The following LMBR1 variants were observed in gnomAD, a reference collection of about 807,000 sequenced individuals.
LMBR1 encodes the protein limb region 1 protein homolog.
In LMBR1, 52 loss-of-function variants were observed where a neutral mutation model predicts 73.9. The observed-to-expected ratio is 0.70, with a 90% CI of 0.56 to 0.89. The LOEUF is 0.89. LMBR1 is among the 40% of genes least tolerant of loss of function. The pLI, the probability that LMBR1 is intolerant of heterozygous loss-of-function variation, is 0.00. For synonymous variants in LMBR1, 215 were observed against 209.4 expected (o/e 1.03, Z -0.23); for missense variants, 539 against 579.8 (o/e 0.93, Z 0.72).
rs199791884 is a variant in LMBR1 at position 156,725,522 on chromosome 7, A to G, written c.1071T>C (p.Tyr357=). The change falls in exon 14 of 17, where the codon TAT becomes TAC. Residue 357 remains tyrosine (Y), a synonymous_variant. Coordinates refer to ENST00000353442, the MANE Select transcript of LMBR1 (RefSeq NM_022458.4). ...GAALEIILIF[Y]LMVSSVVGFY... ...AGCCGACAACAGAGGACACCATAAG[A>G]TAGCTGTGAGAATCAAGGAAAAAAA... 107 of 1,585,274 alleles carry G rather than the reference A, an allele frequency of 6.7e-5. No individual in the cohort carries two copies. Among genetic ancestry groups the G allele is most frequent in the Non-Finnish European group, 8.6e-5 (100 of 1,165,154 alleles).
intron 4 of LMBR1, among the ~76,000 whole-genome samples, chr7:156,807,987 G>A (rs111280280): frequency 1.7e-4 from 26 of 152,056 alleles, no homozygotes; most frequent in African/African-American, 6.3e-4. Context: ...AGTGTATCTT[G>A]TATGACTTAA....
intron 4 of LMBR1, among the ~76,000 whole-genome samples, chr7:156,817,726 A>G (rs1308610704): frequency 1.3e-5 from 2 of 152,208 alleles, no homozygotes; most frequent in Non-Finnish European, 2.9e-5. Flanking sequence ...AAAAAAATGC[A>G]TATCATAAAA....
intron 1 of LMBR1, among the ~76,000 whole-genome samples, chr7:156,873,285 G>A (rs1469190315): frequency 2.6e-5 from 4 of 151,934 alleles, no homozygotes; most frequent in South Asian, 2.1e-4. Flanking sequence ...AAGGCAGCGC[G>A]TCTGGAGTTG....
chr7:156,876,600 A>G (rs1476679343), intron 1 of LMBR1, among the ~76,000 whole-genome samples: 9 of 152,222 alleles, frequency 5.9e-5, no homozygotes, highest in Admixed American at 5.9e-4. Context: ...ATTTAAGAAA[A>G]TTGAAATTAT....
At chr7:156,745,796 C>T (rs996122776) in intron 9 of LMBR1, among the ~76,000 whole-genome samples, 6 of 152,216 alleles carry the variant, frequency 3.9e-5, no homozygotes, top group Non-Finnish European at 7.3e-5. Flanking sequence ...ACTGAAGAGA[C>T]AGCAATCGAA....
At chr7:156,843,074 T>G (rs987803984) in intron 1 of LMBR1, among the ~76,000 whole-genome samples, 12 of 152,178 alleles carry the variant, frequency 7.9e-5, no homozygotes, top group African/African-American at 2.4e-4. Flanking sequence ...TTTGCTGAGC[T>G]CTATGCAGCA....
chr7:156,752,627 C>T (rs1821117471), intron 9 of LMBR1, among the ~76,000 whole-genome samples: 1 of 152,164 alleles, frequency 6.6e-6, no homozygotes, highest in Admixed American at 6.5e-5. Context: ...TGAAAATTCT[C>T]TTATGATTGC....
chr7:156,886,960 T>A (rs948325335), intron 1 of LMBR1, among the ~76,000 whole-genome samples: 1 of 152,184 alleles, frequency 6.6e-6, no homozygotes, highest in Non-Finnish European at 1.5e-5. Context: ...AATTCAGTTT[T>A]TAAGGTTTCC....
chr7:156,750,654 T>A lies in LMBR1; in HGVS notation c.757+5739A>T, dbSNP rs571220524. 2.0e-5 allele frequency among the ~76,000 whole-genome samples: 3 copies of A among 152,320 alleles called. No homozygotes were observed. In the East Asian group the frequency reaches 5.8e-4, roughly 29 times the overall value. On this transcript the variant is annotated intron_variant, in intron 9 of 16. Transcript: ENST00000353442. ...TCTATGGTAAAATGACAACTCTCCA[T>A]CATGTGCGTTTTTCATCTATTAATT...
At chr7:156,877,820 T>C (rs1430017018) in intron 1 of LMBR1, among the ~76,000 whole-genome samples, 1 of 150,610 alleles carries the variant, frequency 6.6e-6, no homozygotes, top group East Asian at 2.0e-4. Flanking sequence ...GAGGCGGAGC[T>C]TGCAGTGAGC....
chr7:156,841,047 T>A (rs1454637208), intron 1 of LMBR1, among the ~76,000 whole-genome samples: 1 of 150,282 alleles, frequency 6.7e-6, no homozygotes, highest in East Asian at 2.0e-4. Context: ...AACAAAGAAC[T>A]GCAGGAAGCC....
At chr7:156,764,581 T>C (rs1055543251) in intron 5 of LMBR1, among the ~76,000 whole-genome samples, 2 of 152,220 alleles carry the variant, frequency 1.3e-5, no homozygotes, top group African/African-American at 4.8e-5. Flanking sequence ...TATTGATATT[T>C]TGTACTGCAA....
At chr7:156,868,744 T>C (rs532583376) in intron 1 of LMBR1, among the ~76,000 whole-genome samples, 7 of 151,106 alleles carry the variant, frequency 4.6e-5, no homozygotes, top group East Asian at 2.0e-4. Flanking sequence ...CGTGGGCAGA[T>C]AGCTTGAGCC....
intron 10 of LMBR1, among the ~76,000 whole-genome samples, chr7:156,730,221 G>C (rs1816586007): frequency 6.6e-6 from 1 of 152,216 alleles, no homozygotes; most frequent in South Asian, 2.1e-4. Flanking sequence ...CTGGCAGACA[G>C]TGCCACTTTC....
intron 12 of LMBR1, among the ~76,000 whole-genome samples, chr7:156,726,599 A>G (rs1162265242): frequency 2.6e-5 from 4 of 152,214 alleles, no homozygotes; most frequent in African/African-American, 9.6e-5. Context: ...CATCTAATAG[A>G]AACACCAGGG....
chr7:156,859,051 T>A (rs948103293), intron 1 of LMBR1, among the ~76,000 whole-genome samples: 1 of 151,996 alleles, frequency 6.6e-6, no homozygotes, highest in African/African-American at 2.4e-5. Context: ...GTCAGGAGTT[T>A]GAGACCAGCC....
intron 1 of LMBR1, among the ~76,000 whole-genome samples, chr7:156,863,648 T>C (rs1798040332): frequency 6.6e-6 from 1 of 152,212 alleles, no homozygotes; most frequent in African/African-American, 2.4e-5. Flanking sequence ...CAGCAATGTA[T>C]GAGAGTTCTG....
rs1211326040 is a variant in LMBR1, at chr7:156,680,697, A to G, written c.*3381T>C. Reference sequence around the variant, plus strand: ...GAAATTGATCTACCAATAACTGCACAACAGAGAAAGAAAATATCCATTTCT... The same window carrying G: ...GAAATTGATCTACCAATAACTGCACGACAGAGAAAGAAAATATCCATTTCT... On this transcript the variant is annotated 3_prime_UTR_variant, in exon 17 of 17. Transcript: ENST00000353442. 1 of 160,400 alleles carries G rather than the reference A, an allele frequency of 6.2e-6. No homozygotes were observed. Among genetic ancestry groups the G allele is most frequent in the East Asian group, 1.9e-4 (1 of 5,308 alleles). 9.9% of individuals were successfully genotyped at this position (160,400 alleles called of 1,614,324 possible). A position where few individuals can be genotyped will look rare whatever the true frequency, so the allele number is the denominator to read the frequency against.
intron 1 of LMBR1, among the ~76,000 whole-genome samples, chr7:156,844,745 G>C (rs1586185756): frequency 6.6e-6 from 1 of 152,144 alleles, no homozygotes; most frequent in South Asian, 2.1e-4. Flanking sequence ...TACCCACTGG[G>C]ATGCATGTCC....
Sources: allele counts gnomAD v4.1 joint callset (sites outside exome capture counted in the v4.1 genomes callset), GRCh38; gene constraint gnomAD v4.1.1; transcripts MANE v1.5; gene names NCBI Gene and HGNC (gene_info 2026-07-23, HGNC 2026-07-21).